The following STIM1 variants were observed in gnomAD, a reference collection of about 807,000 sequenced individuals.
STIM1 encodes stromal interaction molecule 1.
A neutral mutation model predicts 74.7 loss-of-function variants in STIM1; 25 were observed. That is an observed-to-expected ratio of 0.33 (90% confidence interval 0.24 to 0.47). STIM1 has a LOEUF of 0.47. Among genes scored for constraint, STIM1 ranks in the 20% least tolerant of loss-of-function variants. The pLI is 1.00. For missense variants in STIM1, 728 were observed against 920.8 expected (o/e 0.79, Z 2.71); for synonymous variants, 328 against 348.8 (o/e 0.94, Z 0.66).
chr11:3,885,576 C>T lies in STIM1; in HGVS notation c.139+29167C>T, dbSNP rs546173246. ...TCTTTTCTGATTGGAAGTCTTCTCC[C>T]GGTACTTCAGCTCACAAAGGTGGAC... is the stretch of plus-strand genomic sequence containing the variant. On this transcript the variant is annotated intron_variant, in intron 1 of 12. Transcript: ENST00000526596. Among the ~76,000 whole-genome samples the T allele has an allele frequency of 1.5e-3, 232 of 152,210 alleles. 2 individuals carry two copies. Among genetic ancestry groups the T allele is most frequent in the South Asian group, 0.012 (56 of 4,820 alleles).
intron 1 of STIM1, among the ~76,000 whole-genome samples, chr11:3,926,067 T>C (rs902270651): frequency 6.6e-6 from 1 of 152,356 alleles, no homozygotes; most frequent in East Asian, 1.9e-4. Context: ...ACTTGCTATT[T>C]ATTTTTGTTT....
intron 1 of STIM1, among the ~76,000 whole-genome samples, chr11:3,873,154 G>A (rs1177726028): frequency 2.6e-5 from 4 of 152,140 alleles, no homozygotes; most frequent in Middle Eastern, 3.4e-3. Context: ...GGTGGCTCAC[G>A]TCTGTAATCC....
At chr11:4,073,405 C>CCAAG (rs1393772572) in intron 6 of STIM1, among the ~76,000 whole-genome samples, 2 of 152,116 alleles carry the variant, frequency 1.3e-5, no homozygotes, top group Non-Finnish European at 2.9e-5. Context: ...TTGGGAAGAC[C>CCAAG]CAAGACCTTA....
At chr11:3,889,368 A>ATT (rs35294046) in intron 1 of STIM1, among the ~76,000 whole-genome samples, 3 of 138,990 alleles carry the variant, frequency 2.2e-5, no homozygotes, top group Non-Finnish European at 1.6e-5. Flanking sequence ...CAGATATTTA[A>ATT]TTTTTTTTTT....
At chr11:3,938,791 G>A (rs1309265467) in intron 1 of STIM1, among the ~76,000 whole-genome samples, 1 of 152,198 alleles carries the variant, frequency 6.6e-6, no homozygotes, top group Non-Finnish European at 1.5e-5. Context: ...AGGTTGCAGT[G>A]AGCCGAGGTA....
intron 11 of STIM1, 75 bp downstream of exon 11, chr11:4,084,840 C>T (rs985627489): frequency 3.5e-6 from 4 of 1,146,926 alleles, no homozygotes; most frequent in Admixed American, 2.3e-5. Context: ...CCCATGGGTC[C>T]CTTCTCCTGC....
At chr11:3,915,144 A>G (rs1489638687) in intron 1 of STIM1, among the ~76,000 whole-genome samples, 1 of 152,170 alleles carries the variant, frequency 6.6e-6, no homozygotes, top group African/African-American at 2.4e-5. Context: ...TTCCTTATAT[A>G]TTCTGAATAC....
intron 2 of STIM1, among the ~76,000 whole-genome samples, chr11:3,986,287 TG>T (rs1447085701): frequency 4.6e-5 from 7 of 152,154 alleles, no homozygotes; most frequent in Non-Finnish European, 2.9e-5. Context: ...AGGTATTGCC[TG>T]AGATGAATTT....
chr11:4,027,790 G>A (rs2094010191), intron 3 of STIM1, among the ~76,000 whole-genome samples: 1 of 152,160 alleles, frequency 6.6e-6, no homozygotes, highest in Admixed American at 6.5e-5. Context: ...TTTGGAGAGA[G>A]CTGCAATTTC....
At chr11:4,014,559 A>G (rs1029751145) in intron 2 of STIM1, among the ~76,000 whole-genome samples, 5 of 152,222 alleles carry the variant, frequency 3.3e-5, no homozygotes, top group Non-Finnish European at 5.9e-5. Context: ...GTAGATGTCT[A>G]TTAGGTCTGC....
chr11:4,060,740 AT>A, intron 5 of STIM1, among the ~76,000 whole-genome samples: 1 of 152,338 alleles, frequency 6.6e-6, no homozygotes, highest in East Asian at 1.9e-4. Flanking sequence ...CAGTACTTCT[AT>A]CTAAATGGAG....
chr11:3,970,949 A>T (rs2093386941), intron 2 of STIM1, among the ~76,000 whole-genome samples: 1 of 152,236 alleles, frequency 6.6e-6, no homozygotes, highest in African/African-American at 2.4e-5. Flanking sequence ...AGGTAACTTT[A>T]CAAATAATGG....
intron 3 of STIM1, among the ~76,000 whole-genome samples, chr11:4,045,453 A>AT (rs568849786): frequency 0.027 from 3,894 of 142,984 alleles, 108 homozygotes; most frequent in African/African-American, 0.073. Context: ...TTCCATCAGC[A>AT]TTTTTTTTTT....
chr11:3,871,572 A>T (rs936461637), intron 1 of STIM1, among the ~76,000 whole-genome samples: 2 of 152,032 alleles, frequency 1.3e-5, no homozygotes, highest in Admixed American at 1.3e-4. Context: ...GGAATACAAG[A>T]TTTTCTAATT....
chr11:3,905,515 T>C (rs373211857), intron 1 of STIM1, among the ~76,000 whole-genome samples: 106 of 152,208 alleles, frequency 7.0e-4, no homozygotes, highest in African/African-American at 2.3e-3. Context: ...TAAACTGTGC[T>C]GCTCTGCTGA....
chr11:4,022,089 T>G (rs1254760830), intron 2 of STIM1, among the ~76,000 whole-genome samples: 1 of 152,050 alleles, frequency 6.6e-6, no homozygotes, highest in East Asian at 1.9e-4. Flanking sequence ...TCCAGCACTT[T>G]GGGAAGCAGA....
rs1297912351 is a variant in STIM1 at position 3,992,095 on chromosome 11, T to TG, written c.270+24413_270+24414insG. Among the ~76,000 whole-genome samples, 205 of 136,430 alleles carry TG rather than the reference T, an allele frequency of 1.5e-3. 1 individual carries two copies. The highest frequency in any genetic ancestry group is 2.8e-3 in the Non-Finnish European group (171 of 61,752). 89.5% of individuals were successfully genotyped at this position (136,430 alleles called of 152,430 possible). ...TGCCAACATCTGTTTTTTTGTTTTT[T>TG]TTTTTTTTTTTTTTTTAGTTTTTAA... On this transcript the variant is annotated intron_variant, in intron 2 of 12. Transcript: ENST00000526596.
intron 1 of STIM1, among the ~76,000 whole-genome samples, chr11:3,859,726 A>G (rs1031266771): frequency 2.6e-5 from 4 of 152,194 alleles, no homozygotes; most frequent in Non-Finnish European, 4.4e-5. Context: ...TGGCCTGGCC[A>G]TCTTGGTAGC....
At chr11:3,946,434 A>G (rs1037846257) in intron 1 of STIM1, among the ~76,000 whole-genome samples, 4 of 152,164 alleles carry the variant, frequency 2.6e-5, no homozygotes, top group Admixed American at 1.3e-4. Context: ...CTAAACCCAG[A>G]GATGCTTCTG....
Sources: gnomAD v4.1 joint callset for allele counts (sites outside exome capture counted in the v4.1 genomes callset) on GRCh38, gnomAD v4.1.1 for gene constraint, MANE v1.5 for transcripts, NCBI Gene and HGNC (gene_info 2026-07-23, HGNC 2026-07-21) for gene names.